The following CUX1 variants were observed in gnomAD, a reference collection of about 807,000 sequenced individuals.
CUX1 encodes the protein cut like homeobox 1.
Under a neutral mutation model 158.8 loss-of-function variants are expected in CUX1, and 31 were observed. The observed-to-expected ratio is 0.20, with a 90% confidence interval of 0.15 to 0.26. The LOEUF (loss-of-function observed/expected upper bound fraction) is 0.26, where lower values mean the gene tolerates loss of function less well. CUX1 is among the 10% of genes least tolerant of loss of function. The pLI, the probability that CUX1 is intolerant of heterozygous loss-of-function variation, is 1.00. For synonymous variants in CUX1, 879 were observed against 862.1 expected, an observed-to-expected ratio of 1.02 and a Z score of -0.34; for missense variants, 1,589 against 2,014.6, an observed-to-expected ratio of 0.79 and a Z score of 4.04.
intron 1 of CUX1, among the ~76,000 whole-genome samples, chr7:101,899,956 G>A (rs911869589): frequency 7.2e-5 from 11 of 152,144 alleles, no homozygotes; most frequent in Non-Finnish European, 1.6e-4. Flanking sequence ...TCTTAATTGT[G>A]TATCTTCATT....
intron 2 of CUX1, among the ~76,000 whole-genome samples, chr7:101,982,572 G>C (rs1813574561): frequency 6.6e-6 from 1 of 152,062 alleles, no homozygotes; most frequent in Non-Finnish European, 1.5e-5. Context: ...GATTACAGAT[G>C]CGGGCCACCA....
At chr7:101,940,167 G>A (rs1298108565) in intron 2 of CUX1, among the ~76,000 whole-genome samples, 1 of 151,638 alleles carries the variant, frequency 6.6e-6, no homozygotes, top group East Asian at 1.9e-4. Flanking sequence ...TTGAGCCCGG[G>A]AGGTTGAGAA....
chr7:102,216,616 T>A (rs118125755), intron 20 of CUX1, among the ~76,000 whole-genome samples: 244 of 7,948 alleles, frequency 0.031, 2 homozygotes, highest in Non-Finnish European at 0.047. Flanking sequence ...ACACACACAC[T>A]CCCCACACAC....
At chr7:101,838,368 G>A (rs1344288746) in intron 1 of CUX1, among the ~76,000 whole-genome samples, 1 of 149,936 alleles carries the variant, frequency 6.7e-6, no homozygotes, top group East Asian at 2.0e-4. Flanking sequence ...GATCTCAGGT[G>A]ATCAACCCAC....
chr7:101,838,631 C>T (rs554587630), intron 1 of CUX1, among the ~76,000 whole-genome samples: 2 of 151,608 alleles, frequency 1.3e-5, no homozygotes, highest in Admixed American at 6.6e-5. Flanking sequence ...GTGAAACCCC[C>T]GTCTCTACTA....
intron 1 of CUX1, among the ~76,000 whole-genome samples, chr7:101,912,909 C>T (rs1015108326): frequency 3.9e-5 from 6 of 152,154 alleles, no homozygotes; most frequent in African/African-American, 1.4e-4. Context: ...CACACGTGAC[C>T]CGTGACTCAT....
At chr7:102,198,293 G>T (rs576996317) in intron 15 of CUX1, among the ~76,000 whole-genome samples, 23 of 152,272 alleles carry the variant, frequency 1.5e-4, no homozygotes, top group African/African-American at 5.1e-4. Context: ...TTCCTTTTCT[G>T]TTTAAGACCA....
chr7:101,953,358 T>C (rs577957317), intron 2 of CUX1, among the ~76,000 whole-genome samples: 1 of 152,286 alleles, frequency 6.6e-6, no homozygotes, highest in African/African-American at 2.4e-5. Context: ...CCCTCATAAT[T>C]GGTGGCTTCT....
chr7:101,883,633 T>A (rs1487147965), intron 1 of CUX1, among the ~76,000 whole-genome samples: 1 of 152,004 alleles, frequency 6.6e-6, no homozygotes, highest in Non-Finnish European at 1.5e-5. Flanking sequence ...TTTTTTGCGA[T>A]GGAGTTTCAC....
chr7:102,264,528 T>C (rs2694157), intron 14 of CUX1, among the ~76,000 whole-genome samples: 97,641 of 151,848 alleles, frequency 0.64, 31,588 homozygotes, highest in East Asian at 0.79. Context: ...CCTTGTCGGC[T>C]ATTGCTGAGG....
chr7:102,074,512 A>G (rs1826483709), intron 4 of CUX1, among the ~76,000 whole-genome samples: 1 of 152,206 alleles, frequency 6.6e-6, no homozygotes, highest in Admixed American at 6.5e-5. Flanking sequence ...TTAGAGTGAC[A>G]GCTCCATGAG....
At chr7:102,028,496 G>A (rs1365994164) in intron 3 of CUX1, among the ~76,000 whole-genome samples, 3 of 152,178 alleles carry the variant, frequency 2.0e-5, no homozygotes, top group Non-Finnish European at 2.9e-5. Context: ...GCTGGTCTGG[G>A]GCTGCCACTG....
At chr7:102,043,274 A>G (rs1822328620) in intron 3 of CUX1, among the ~76,000 whole-genome samples, 1 of 151,808 alleles carries the variant, frequency 6.6e-6, no homozygotes, top group Non-Finnish European at 1.5e-5. Context: ...TGATACATGC[A>G]TACATTACGA....
rs410825 is a variant in CUX1 at position 102,248,841 on chromosome 7, G to A, written c.4317G>A (p.Pro1439=). The A allele has an allele frequency of 0.46, 567,056 of 1,233,736 alleles. 134,725 individuals are homozygous for A. Among genetic ancestry groups the A allele is most frequent in the East Asian group, 0.91 (24,281 of 26,824 alleles). The allele number at this position is 1,233,736 out of a possible 1,614,324, so 76.4% of individuals were successfully genotyped here. A position where few individuals can be genotyped will look rare whatever the true frequency, so the allele number is the denominator to read the frequency against. ...GEGPAAPSSA[P]PPSNSSSSSA... is the part of the protein sequence containing the mutation. ...GCCCCGCGGCCCCGAGCTCCGCGCC[G>A]CCGCCCAGCAACAGCAGCAGCAGCA... Residue 1439 remains proline, a synonymous_variant, in exon 24 of 24, where the codon CCG becomes CCA. Coordinates refer to ENST00000292535, the MANE Select transcript of CUX1 (RefSeq NM_181552.4). This position sits in a 1 kb window ranked among gnomAD's most constrained non-coding sequence, Gnocchi z 5.8.
intron 8 of CUX1, among the ~76,000 whole-genome samples, chr7:102,118,173 C>T (rs890685384): frequency 3.3e-5 from 5 of 152,170 alleles, no homozygotes; most frequent in Non-Finnish European, 7.3e-5. Flanking sequence ...AATATAAGCC[C>T]CTTGGGGCAA....
chr7:101,977,066 C>A (rs985871319), intron 2 of CUX1, among the ~76,000 whole-genome samples: 1 of 151,802 alleles, frequency 6.6e-6, no homozygotes, highest in Non-Finnish European at 1.5e-5. Flanking sequence ...GTGTGTACCA[C>A]CACACCCGGC....
chr7:101,878,786 C>T (rs929713890), intron 1 of CUX1, among the ~76,000 whole-genome samples: 1 of 152,060 alleles, frequency 6.6e-6, no homozygotes, highest in African/African-American at 2.4e-5. Context: ...AATTCTCCTG[C>T]CTGAGCCTCC....
intron 2 of CUX1, among the ~76,000 whole-genome samples, chr7:102,003,231 C>T (rs1816912554): frequency 6.6e-6 from 1 of 151,242 alleles, no homozygotes; most frequent in Non-Finnish European, 1.5e-5. Flanking sequence ...CCCTTGATCC[C>T]ACAAGGGGCG....
intron 1 of CUX1, among the ~76,000 whole-genome samples, chr7:101,828,838 G>T (rs926200273): frequency 1.3e-5 from 2 of 152,118 alleles, no homozygotes; most frequent in Admixed American, 6.6e-5. Context: ...GAGGCAGGAT[G>T]CCCAGGCCCA....
Sources: gnomAD v4.1 joint callset for allele counts (sites outside exome capture counted in the v4.1 genomes callset) on GRCh38, gnomAD v4.1.1 for gene constraint, Gnocchi (gnomAD v3.1) non-coding constraint, MANE v1.5 for transcripts, NCBI Gene and HGNC (gene_info 2026-07-23, HGNC 2026-07-21) for gene names.